Variants in DNAH8 observed in about 807,000 individuals in gnomAD.
The protein encoded by DNAH8 is axonemal beta dynein heavy chain 8.
DNAH8 carries 382 observed loss-of-function variants against 562.1 expected under a neutral mutation model. That is an observed-to-expected ratio of 0.68 (90% CI 0.63 to 0.74). DNAH8 has a LOEUF of 0.74. Among genes scored for constraint, DNAH8 ranks in the 30% least tolerant of loss-of-function variants. The pLI, the probability that DNAH8 is intolerant of heterozygous loss-of-function variation, is 0.00. For missense variants in DNAH8, 5,203 were observed against 5,620.4 expected, an observed-to-expected ratio of 0.93 and a Z score of 2.37; for synonymous variants, 1,881 against 1,919.4, an observed-to-expected ratio of 0.98 and a Z score of 0.52.
intron 1 of DNAH8, among the ~76,000 whole-genome samples, chr6:38,716,116 G>T (rs894502604): frequency 6.7e-6 from 1 of 149,664 alleles, no homozygotes; most frequent in Non-Finnish European, 1.5e-5. Context: ...CCGCCATCAC[G>T]CCCGGCTAAT....
At chr6:38,960,921 A>G (rs1762568134) in intron 82 of DNAH8, among the ~76,000 whole-genome samples, 1 of 152,036 alleles carries the variant, frequency 6.6e-6, no homozygotes, top group Non-Finnish European at 1.5e-5. Flanking sequence ...AAGCCAAGAT[A>G]TAGAATCACC....
intron 21 of DNAH8, 112 bp downstream of exon 21, chr6:38,791,786 T>G (rs1416709432): frequency 1.2e-5 from 13 of 1,103,824 alleles, no homozygotes; most frequent in Admixed American, 2.8e-5. Context: ...AGACTTTTTT[T>G]TTTTGTTTTT....
rs568603181 is a variant in DNAH8, at chr6:38,955,460, A to G, written c.12451+3940A>G. The stretch of plus-strand genomic sequence containing the variant: ...AGCCTGACCAACATGGCAAAACCCC[A>G]TGTCTACTAAAAATACAAAAATTAG... On this transcript the variant is annotated intron_variant, in intron 82 of 92. Transcript: ENST00000327475. Among the ~76,000 whole-genome samples, 4 of 152,044 alleles carry G rather than the reference A, an allele frequency of 2.6e-5. No individual in the cohort carries two copies. The South Asian group carries it at 8.3e-4, about 32-fold the overall frequency.
chr6:38,914,965 A>G (rs1420998697), intron 67 of DNAH8, among the ~76,000 whole-genome samples: 1 of 152,088 alleles, frequency 6.6e-6, no homozygotes, highest in Non-Finnish European at 1.5e-5. Flanking sequence ...GAAAGCTTTA[A>G]ATATTTATTT....
At chr6:38,779,877 C>G in intron 14 of DNAH8, 89 bp from the exon 15 acceptor site, 1 of 1,262,546 alleles carries the variant, frequency 7.9e-7, no homozygotes, top group South Asian at 1.3e-5. Context: ...GAATATTTGT[C>G]AAATGAATGA....
At chr6:38,807,766 A>T (rs1771420349) in intron 24 of DNAH8, 50 bp downstream of exon 24, 1 of 921,796 alleles carries the variant, frequency 1.1e-6, no homozygotes, top group African/African-American at 1.7e-5. Context: ...TTATAATGTG[A>T]ATAGCACCTC....
At chr6:38,850,713 C>T (rs1341502053) in intron 38 of DNAH8, among the ~76,000 whole-genome samples, 1 of 152,198 alleles carries the variant, frequency 6.6e-6, no homozygotes, top group Non-Finnish European at 1.5e-5. Flanking sequence ...AAGGTGTTGG[C>T]TCCCTCTGAA....
chr6:38,942,059 C>T (rs1266978580), intron 79 of DNAH8, among the ~76,000 whole-genome samples: 3 of 152,118 alleles, frequency 2.0e-5, no homozygotes, highest in Non-Finnish European at 2.9e-5. Flanking sequence ...AAGGAGCCAT[C>T]TATGCACCAG....
chr6:38,794,709 T>A (rs1562809268), intron 21 of DNAH8, among the ~76,000 whole-genome samples: 1 of 152,256 alleles, frequency 6.6e-6, no homozygotes, highest in Non-Finnish European at 1.5e-5. Flanking sequence ...TGTATGAGAT[T>A]CATCTTTGCA....
chr6:38,915,855 C>CACACAT (rs1561857377), intron 68 of DNAH8, among the ~76,000 whole-genome samples: 1 of 58,360 alleles, frequency 1.7e-5, no homozygotes, highest in African/African-American at 3.3e-5. Flanking sequence ...CACACACATA[C>CACACAT]ACACACACAC....
At chr6:38,998,091 T>G (rs1176717173) in intron 88 of DNAH8, among the ~76,000 whole-genome samples, 6 of 152,168 alleles carry the variant, frequency 3.9e-5, no homozygotes, top group African/African-American at 1.4e-4. Context: ...TGGGCCATGA[T>G]GGAGAACTCG....
chr6:38,984,301 T>C lies in DNAH8; in HGVS notation c.13047T>C (p.Phe4349=). The C allele has an allele frequency of 6.3e-7, 1 of 1,592,142 alleles. No individual in the cohort carries two copies. The change falls in exon 87 of 93, where the codon TTT becomes TTC. Residue 4349 remains phenylalanine, a synonymous_variant. Coordinates refer to ENST00000327475, the MANE Select transcript of DNAH8 (RefSeq NM_001206927.2). ...DDFDKRLLNC[F]ARVWFSEKMF... ...TTGACAAACGTCTACTTAATTGCTTTGCCAGAGTAAGTCAATTTAGAAAAA... is the reference window on the plus strand; with the variant it reads ...TTGACAAACGTCTACTTAATTGCTTCGCCAGAGTAAGTCAATTTAGAAAAA...
chr6:38,737,455 C>T (rs1207585039), intron 6 of DNAH8, among the ~76,000 whole-genome samples, 199 bp downstream of exon 6: 9 of 151,628 alleles, frequency 5.9e-5, no homozygotes, highest in Admixed American at 3.9e-4. Flanking sequence ...TTTAATTTTA[C>T]GTTATAGCAG....
Position 38,853,170 on chromosome 6 carries a change from T to G in DNAH8, c.5572-16T>G, listed in dbSNP as rs745427720. ...AATTATTATCAATTTATAATATCCT[T>G]GTAATTTTGTTTTAGTTGGATAATT... On this transcript the variant is annotated splice_polypyrimidine_tract_variant and intron_variant, in intron 40 of 92. Transcript: ENST00000327475. 1.9e-6 allele frequency: 3 copies of G among 1,584,118 alleles called. No individual in the cohort carries two copies. The Admixed American group carries it at 5.7e-5, about 30-fold the overall frequency.
Position 38,815,492 on chromosome 6 carries a change from A to G in DNAH8, c.3358A>G (p.Ile1120Val), listed in dbSNP as rs1455950524. 6.2e-7 allele frequency: 1 copy of G among 1,613,962 alleles called. No individual in the cohort carries two copies. Among genetic ancestry groups the G allele is most frequent in the Non-Finnish European group, 8.5e-7 (1 of 1,179,878 alleles). Residue 1120 changes from isoleucine (I) to valine (V), a missense_variant, in exon 26 of 93, where the codon ATT becomes GTT. Around this residue, in one of 6 missense-constraint regions of DNAH8, gnomAD observed 2,176 missense variants for 2,365.1 expected, o/e 0.92. Transcript: ENST00000327475. The part of the protein sequence containing the change: ...NVVMIPSLDD[I>V]QQAINRMIQL... ...GGTGATGATTCCTAGTTTGGATGACATTCAACAAGCCATTAACCGTATGAT... is the reference window on the plus strand; with the variant it reads ...GGTGATGATTCCTAGTTTGGATGACGTTCAACAAGCCATTAACCGTATGAT...
intron 21 of DNAH8, among the ~76,000 whole-genome samples, chr6:38,801,244 G>T (rs1464133765): frequency 3.9e-5 from 6 of 152,082 alleles, no homozygotes; most frequent in African/African-American, 1.2e-4. Flanking sequence ...TAAGGAGAAG[G>T]TTCCGTTTCA....
In DNAH8 at chr6:38,874,074, T is replaced by TTCTTTC. The variant is rs1561797440; in HGVS notation, c.7620+700_7620+705dup. Among the ~76,000 whole-genome samples, 4 of 100,554 alleles carry TTCTTTC rather than the reference T, an allele frequency of 4.0e-5. 1 individual carries two copies. Among genetic ancestry groups the TTCTTTC allele is most frequent in the African/African-American group, 7.0e-5 (2 of 28,466 alleles). The allele number at this position is 100,554 out of a possible 152,430, so 66.0% of individuals were successfully genotyped here. ...TCTTTCTTTCTTTCTTTCTTTTTCT[T>TTCTTTC]TCTTTCTTTCTTTCTTTCTTTCTCT... On this transcript the variant is annotated intron_variant, in intron 52 of 92. Coordinates refer to ENST00000327475, the MANE Select transcript of DNAH8 (RefSeq NM_001206927.2).
rs1253310001 is a variant in DNAH8 at position 38,815,497 on chromosome 6, A to G, written c.3363A>G (p.Gln1121=). 1.2e-6 allele frequency: 2 copies of G among 1,613,854 alleles called. No individual in the cohort carries two copies. Among genetic ancestry groups the G allele is most frequent in the Middle Eastern group, 1.6e-4 (1 of 6,080 alleles). The change falls in exon 26 of 93, where the codon CAA becomes CAG. Residue 1121 remains glutamine (Q), a synonymous_variant. Coordinates refer to ENST00000327475, the MANE Select transcript of DNAH8 (RefSeq NM_001206927.2). The part of the protein sequence containing the change: ...VVMIPSLDDI[Q]QAINRMIQLT... ...TGATTCCTAGTTTGGATGACATTCA[A>G]CAAGCCATTAACCGTATGATCCAGT...
chr6:38,837,648 C>T (rs1432332305), intron 32 of DNAH8, among the ~76,000 whole-genome samples: 2 of 152,156 alleles, frequency 1.3e-5, no homozygotes, highest in East Asian at 3.8e-4. Context: ...AAAAATGCAG[C>T]TTTATTACTT....
Sources: allele counts gnomAD v4.1 joint callset (sites outside exome capture counted in the v4.1 genomes callset), GRCh38; gene constraint gnomAD v4.1.1; regional missense constraint gnomAD v4.1.1; transcripts MANE v1.5; gene names NCBI Gene and HGNC (gene_info 2026-07-23, HGNC 2026-07-21).